Variants in FAM98B observed in about 807,000 individuals in gnomAD.
FAM98B encodes the protein tRNA-splicing ligase complex subunit FAM98B.
FAM98B carries 32 observed loss-of-function variants against 43.9 expected under a neutral mutation model. The ratio of observed to expected loss-of-function variants is 0.73; its 90% CI spans 0.55 to 0.98. The LOEUF is 0.98. Ranked by LOEUF, FAM98B falls within the 50% of genes least tolerant of loss-of-function variation. FAM98B has a pLI of 0.00. For synonymous variants in FAM98B, 190 were observed against 174.0 expected (o/e 1.09, Z -0.72); for missense variants, 514 against 522.9 (o/e 0.98, Z 0.17).
At chr15:38,469,515 A>G (rs1890091361) in intron 3 of FAM98B, among the ~76,000 whole-genome samples, 2 of 152,170 alleles carry the variant, frequency 1.3e-5, no homozygotes, top group Admixed American at 1.3e-4. Flanking sequence ...GTGGGTCTCA[A>G]CTACTGGATT....
intron 4 of FAM98B, among the ~76,000 whole-genome samples, chr15:38,472,417 T>C (rs1350464866): frequency 8.5e-5 from 13 of 152,118 alleles, no homozygotes; most frequent in Non-Finnish European, 4.4e-5. Flanking sequence ...TAGATGTAGA[T>C]TTGCTGTGAA....
rs1442119274 is a variant in FAM98B, at chr15:38,484,350, C to T, written c.993C>T (p.Gly331=). ...EMPPWQKRQE[G]GGGRGGWGGG... The stretch of plus-strand genomic sequence containing the variant: ...CCCCTTGGCAAAAGAGACAAGAAGG[C>T]GGCGGTGGAAGGGGTGGTTGGGGTG... Residue 331 remains glycine, a synonymous_variant, in exon 8 of 8, where the codon GGC becomes GGT. Coordinates refer to ENST00000397609, the MANE Select transcript of FAM98B (RefSeq NM_173611.4). 5.9e-6 allele frequency: 9 copies of T among 1,519,900 alleles called. No individual in the cohort carries two copies. The highest frequency in any genetic ancestry group is 3.6e-5 in the South Asian group (3 of 82,664). The allele number at this position is 1,519,900 out of a possible 1,614,324, so 94.2% of individuals were successfully genotyped here. A position where few individuals can be genotyped will look rare whatever the true frequency, so the allele number is the denominator to read the frequency against.
intron 7 of FAM98B, chr15:38,483,240 A>T (rs953894282): frequency 2.0e-5 from 3 of 152,346 alleles, no homozygotes; most frequent in African/African-American, 7.2e-5. Context: ...TTATATATAT[A>T]AAAAATGTTT....
chr15:38,481,466 G>T lies in FAM98B; in HGVS notation c.897+7G>T, dbSNP rs375455088. ...CGCATGTGCCATTAATAAGGTTGGT[G>T]TTTCTTTCAGTACAGTGGAAAATGA... On this transcript the variant is annotated splice_region_variant and intron_variant, in intron 7 of 7. Coordinates refer to ENST00000397609, the MANE Select transcript of FAM98B (RefSeq NM_173611.4). 1.8e-5 allele frequency: 29 copies of T among 1,614,044 alleles called. No individual in the cohort carries two copies. The East Asian group carries it at 4.0e-4, about 22-fold the overall frequency.
chr15:38,467,784 C>T (rs1890060833), intron 3 of FAM98B, among the ~76,000 whole-genome samples: 1 of 152,070 alleles, frequency 6.6e-6, no homozygotes, highest in African/African-American at 2.4e-5. Context: ...AGAAGTGGTA[C>T]ATTAATGCAG....
chr15:38,474,360 C>T (rs1244865914), intron 6 of FAM98B, 62 bp downstream of exon 6: 4 of 1,151,262 alleles, frequency 3.5e-6, no homozygotes, highest in Non-Finnish European at 5.1e-6. Flanking sequence ...TTCTGGCTTG[C>T]TTGTCTGTTA....
At chr15:38,475,484 T>G (rs187900448) in intron 6 of FAM98B, among the ~76,000 whole-genome samples, 2 of 152,332 alleles carry the variant, frequency 1.3e-5, no homozygotes, top group Admixed American at 1.3e-4. Flanking sequence ...AGAATCTGTT[T>G]CCTTGCATTT....
In FAM98B at chr15:38,481,055, T is replaced by G. The variant is rs942081626; in HGVS notation, c.730-237T>G. ...TTTTTGTTAATATGTATAGAAATTT[T>G]TTTGTTATTATTTTTTAGCGAGTTG... On this transcript the variant is annotated intron_variant, in intron 6 of 7. Transcript: ENST00000397609. 3.3e-5 allele frequency among the ~76,000 whole-genome samples: 5 copies of G among 152,112 alleles called. No homozygotes were observed. The East Asian group carries it at 7.7e-4, about 23-fold the overall frequency.
chr15:38,454,280 TG>T (rs1423207600), intron 1 of FAM98B, 48 bp downstream of exon 1: 24 of 1,556,684 alleles, frequency 1.5e-5, no homozygotes, highest in Non-Finnish European at 2.1e-5. Context: ...AACCTCTCCT[TG>T]GCCTGGCTGC....
intron 1 of FAM98B, among the ~76,000 whole-genome samples, chr15:38,460,947 C>G (rs554763311): frequency 2.0e-5 from 3 of 152,226 alleles, no homozygotes; most frequent in South Asian, 4.1e-4. Flanking sequence ...TTAGCACTTT[C>G]TAAATGTTAG....
chr15:38,458,795 C>A, intron 1 of FAM98B: 1 of 450,046 alleles, frequency 2.2e-6, no homozygotes, highest in South Asian at 1.8e-5. Context: ...ATGTCCTCTG[C>A]TCTGCTTCTC....
At chr15:38,478,735 CAG>C (rs1890241879) in intron 6 of FAM98B, among the ~76,000 whole-genome samples, 1 of 152,072 alleles carries the variant, frequency 6.6e-6, no homozygotes, top group African/African-American at 2.4e-5. Context: ...ATGCATACTC[CAG>C]AGTTGCCCTT....
At position 38,474,214 on chromosome 15, in the gene FAM98B, C is replaced by T. The variant is rs769335722; in HGVS notation, c.645C>T (p.Ser215=). 3.7e-6 allele frequency: 6 copies of T among 1,613,450 alleles called. No individual in the cohort carries two copies. The Admixed American group carries it at 8.3e-5, about 22-fold the overall frequency. Residue 215 remains serine (S), a synonymous_variant, in exon 6 of 8, where the codon TCC becomes TCT. Transcript: ENST00000397609. ...EQLERINDAL[S]CEYECRRRML... ...TGGAAAGAATCAATGATGCTCTTTC[C>T]TGTGAATATGAGTGCCGCCGACGAA...
chr15:38,481,353 C>A lies in FAM98B; in HGVS notation c.791C>A (p.Thr264Lys). The change falls in exon 7 of 8, where the codon ACA becomes AAA. Residue 264 changes from threonine to lysine, a missense_variant. Thr to Lys is a moderately conservative substitution (Grantham distance 78). This residue lies in a region of FAM98B where 469 missense variants were observed against 451.8 expected (regional missense o/e 1.04). Transcript: ENST00000397609. ...AAGCGTTATGCTTTGTCACCCAAGA[C>A]AACGATTACAATGGCACATCTACTT... is the stretch of plus-strand genomic sequence containing the variant. ...QPKRYALSPK[T>K]TITMAHLLAA... is the part of the protein sequence containing the mutation. The A allele has an allele frequency of 1.2e-6, 2 of 1,614,136 alleles. No homozygotes were observed. The highest frequency in any genetic ancestry group is 1.7e-6 in the Non-Finnish European group (2 of 1,180,020).
intron 1 of FAM98B, chr15:38,458,982 A>G (rs1889900638): frequency 5.3e-6 from 2 of 379,030 alleles, no homozygotes; most frequent in East Asian, 1.4e-4. Context: ...CCCTGGTGGA[A>G]CCACAGGACT....
chr15:38,481,313 A>G lies in FAM98B; in HGVS notation c.751A>G (p.Arg251Gly), dbSNP rs758922386. The change falls in exon 7 of 8, where the codon AGA (arginine) becomes GGA (glycine). Residue 251 changes from arginine to glycine, a missense_variant. This residue lies in a region of FAM98B where 469 missense variants were observed against 451.8 expected (regional missense o/e 1.04). Coordinates refer to ENST00000397609, the MANE Select transcript of FAM98B (RefSeq NM_173611.4). ...RAKVKTDDIA[R>G]IYQPKRYALS... ...TTAGGTAAAAACAGATGATATAGCA[A>G]GAATTTATCAGCCTAAGCGTTATGC... 1.2e-6 allele frequency: 2 copies of G among 1,614,026 alleles called. No individual in the cohort carries two copies. Among genetic ancestry groups the G allele is most frequent in the East Asian group, 2.2e-5 (1 of 44,874 alleles).
intron 3 of FAM98B, among the ~76,000 whole-genome samples, chr15:38,466,182 T>TTGTGTGTG (rs35919139): frequency 0.011 from 1,674 of 147,792 alleles, 9 homozygotes; most frequent in South Asian, 0.041. Flanking sequence ...GAGATGAAAT[T>TTGTGTGTG]TGTGTGTGTG....
chr15:38,466,219 T>TGTGTG (rs1890029477), intron 3 of FAM98B, among the ~76,000 whole-genome samples: 1 of 146,678 alleles, frequency 6.8e-6, no homozygotes, highest in African/African-American at 2.5e-5. Flanking sequence ...TGTGTGTGTG[T>TGTGTG]TTAGTGGTGA....
rs1377138748 is a variant in FAM98B, at chr15:38,485,501, G to C, written c.*842G>C. 1 of 152,170 alleles carries C rather than the reference G, an allele frequency of 6.6e-6. No individual in the cohort carries two copies. The highest frequency in any genetic ancestry group is 1.5e-5 in the Non-Finnish European group (1 of 68,004). 9.4% of individuals were successfully genotyped at this position (152,170 alleles called of 1,614,324 possible). On this transcript the variant is annotated 3_prime_UTR_variant, in exon 8 of 8. Transcript: ENST00000397609. ...CACAGAATTAAGGCAGTAATTTTCT[G>C]CTTCAGTAGATCAAGGGTAGGGCTA...
Sources: gnomAD v4.1 joint callset for allele counts (sites outside exome capture counted in the v4.1 genomes callset) on GRCh38, gnomAD v4.1.1 for gene constraint, gnomAD v4.1.1 regional missense constraint, MANE v1.5 for transcripts, NCBI Gene and HGNC (gene_info 2026-07-23, HGNC 2026-07-21) for gene names.